Variants in EPHB2 observed in about 807,000 individuals in gnomAD.
EPHB2 encodes the protein ephrin type-B receptor 2.
A neutral mutation model predicts 96.4 loss-of-function variants in EPHB2; 18 were observed. That is an observed-to-expected ratio of 0.19 (90% CI 0.13 to 0.28). EPHB2 has a LOEUF of 0.28. Ranked by LOEUF, EPHB2 falls within the 10% of genes least tolerant of loss-of-function variation. EPHB2 has a pLI of 1.00. For synonymous variants in EPHB2, 506 were observed against 534.1 expected (o/e 0.95, Z 0.72); for missense variants, 989 against 1,355.4 (o/e 0.73, Z 4.25).
At chr1:22,862,908 G>C in intron 3 of EPHB2, 129 bp from the exon 4 acceptor site, 2 of 1,252,110 alleles carry the variant, frequency 1.6e-6, no homozygotes, top group Non-Finnish European at 2.3e-6. Context: ...CAAGAGATGA[G>C]ATTTTCCAGC....
At chr1:22,888,839 T>A (rs1039390613) in intron 6 of EPHB2, among the ~76,000 whole-genome samples, 21 of 152,058 alleles carry the variant, frequency 1.4e-4, no homozygotes, top group Non-Finnish European at 1.5e-5. Flanking sequence ...CACAGTGCAA[T>A]CAAGTGAAAA....
At chr1:22,768,141 C>T (rs886273268) in intron 1 of EPHB2, among the ~76,000 whole-genome samples, 1 of 152,202 alleles carries the variant, frequency 6.6e-6, no homozygotes, top group Admixed American at 6.5e-5. Context: ...GAAACGTCTC[C>T]TCCGAGGCAG....
At position 22,854,644 on chromosome 1, in the gene EPHB2, C is replaced by CGAGG. The variant is rs1226215681; in HGVS notation, c.812-8393_812-8392insGAGG. ...CTCATCTCTAAAATGGGAATAACAC[C>CGAGG]TCCCATTGCACAGGGTGGTCCAAGG... On this transcript the variant is annotated intron_variant, in intron 3 of 15. Coordinates refer to ENST00000374630, the MANE Select transcript of EPHB2 (RefSeq NM_017449.5). Among the ~76,000 whole-genome samples, 229 of 152,332 alleles carry CGAGG rather than the reference C, an allele frequency of 1.5e-3. 1 individual carries two copies. The highest frequency in any genetic ancestry group is 5.2e-3 in the African/African-American group (215 of 41,578).
At chr1:22,878,184 C>T (rs1410149121) in intron 5 of EPHB2, among the ~76,000 whole-genome samples, 1 of 152,214 alleles carries the variant, frequency 6.6e-6, no homozygotes, top group Non-Finnish European at 1.5e-5. Context: ...GTGAACAGAG[C>T]AGCCCCTGCT....
intron 3 of EPHB2, among the ~76,000 whole-genome samples, chr1:22,856,861 C>T (rs890274090): frequency 1.3e-5 from 2 of 152,326 alleles, no homozygotes; most frequent in African/African-American, 2.4e-5. Flanking sequence ...ATTTACATGG[C>T]ACTTACCTTG....
At chr1:22,807,623 A>G (rs1274629720) in intron 3 of EPHB2, among the ~76,000 whole-genome samples, 1 of 152,126 alleles carries the variant, frequency 6.6e-6, no homozygotes, top group Non-Finnish European at 1.5e-5. Flanking sequence ...TGCCCTCCAG[A>G]TGCTCCCAGT....
intron 9 of EPHB2, among the ~76,000 whole-genome samples, chr1:22,899,111 T>C (rs762998048): frequency 5.5e-4 from 82 of 150,242 alleles, no homozygotes; most frequent in Admixed American, 1.1e-3. Flanking sequence ...GAGAATTGCT[T>C]GAACCCGGGA....
At chr1:22,836,260 C>T (rs1331885155) in intron 3 of EPHB2, among the ~76,000 whole-genome samples, 1 of 152,164 alleles carries the variant, frequency 6.6e-6, no homozygotes, top group African/African-American at 2.4e-5. Context: ...GGGGGAGAGC[C>T]GCTCATTCCT....
intron 3 of EPHB2, among the ~76,000 whole-genome samples, chr1:22,837,613 C>T (rs77140120): frequency 1.4e-3 from 207 of 152,268 alleles, no homozygotes; most frequent in African/African-American, 4.7e-3. Context: ...AGAAGGTGAA[C>T]GCCAAGTTTC....
At chr1:22,806,496 CGGACGGACGGATGGAT>C (rs754554840) in intron 3 of EPHB2, among the ~76,000 whole-genome samples, 8,499 of 118,116 alleles carry the variant, frequency 0.072, 698 homozygotes, top group African/African-American at 0.22. Context: ...GACGGACGGA[CGGACGGACGGATGGAT>C]GGATGGATGG....
Position 22,917,509 on chromosome 1 carries a change from G to A in EPHB2, c.*3939G>A, listed in dbSNP as rs1640298498. The A allele has an allele frequency of 6.6e-6, 1 of 152,264 alleles. No homozygotes were observed. The highest frequency in any genetic ancestry group is 6.5e-5 in the Admixed American group (1 of 15,286). 9.4% of individuals were successfully genotyped at this position (152,264 alleles called of 1,614,324 possible). A position where few individuals can be genotyped will look rare whatever the true frequency, so the allele number is the denominator to read the frequency against. On this transcript the variant is annotated 3_prime_UTR_variant, in exon 16 of 16. Coordinates refer to ENST00000374630, the MANE Select transcript of EPHB2 (RefSeq NM_017449.5). ...CGTCATGACCGCAGGGTAGCAGCCT[G>A]CTCCTGTCACTAGGGATGTGAATCT... is the stretch of plus-strand genomic sequence containing the variant.
At chr1:22,814,312 G>C (rs527408865) in intron 3 of EPHB2, among the ~76,000 whole-genome samples, 1 of 152,314 alleles carries the variant, frequency 6.6e-6, no homozygotes, top group South Asian at 2.1e-4. Context: ...AGGTGCTCAA[G>C]CTTATCTGAG....
intron 3 of EPHB2, among the ~76,000 whole-genome samples, chr1:22,804,358 G>A (rs1570309250): frequency 6.6e-6 from 1 of 152,046 alleles, no homozygotes; most frequent in Admixed American, 6.5e-5. Flanking sequence ...GAAAAAATCT[G>A]CACCACCCCC....
At chr1:22,772,531 T>C (rs1332544309) in intron 1 of EPHB2, among the ~76,000 whole-genome samples, 1 of 152,258 alleles carries the variant, frequency 6.6e-6, no homozygotes, top group Non-Finnish European at 1.5e-5. Flanking sequence ...GATTTCACTT[T>C]AGAAAATCTG....
intron 5 of EPHB2, among the ~76,000 whole-genome samples, chr1:22,871,896 A>C (rs1013388179): frequency 7.9e-5 from 12 of 152,076 alleles, no homozygotes; most frequent in African/African-American, 2.4e-4. Flanking sequence ...CACACCTGTC[A>C]TCCCAGCTAC....
intron 3 of EPHB2, 59 bp downstream of exon 3, chr1:22,785,135 GA>G: frequency 6.3e-7 from 1 of 1,599,312 alleles, no homozygotes; most frequent in Non-Finnish European, 8.5e-7. Flanking sequence ...CTTGGCTGCA[GA>G]CTCGGGCTGC....
intron 1 of EPHB2, among the ~76,000 whole-genome samples, chr1:22,736,732 T>G (rs1167266402): frequency 6.6e-6 from 1 of 152,204 alleles, no homozygotes; most frequent in Non-Finnish European, 1.5e-5. Flanking sequence ...GGGCCCAGCC[T>G]GCAATGGGGC....
intron 7 of EPHB2, among the ~76,000 whole-genome samples, chr1:22,894,494 G>A (rs1254026678): frequency 6.6e-6 from 1 of 151,442 alleles, no homozygotes; most frequent in African/African-American, 2.4e-5. Flanking sequence ...CTGCTGGAGA[G>A]ACTGAGACAG....
intron 2 of EPHB2, among the ~76,000 whole-genome samples, chr1:22,782,963 A>G (rs1644556312): frequency 6.6e-6 from 1 of 152,248 alleles, no homozygotes; most frequent in Non-Finnish European, 1.5e-5. Context: ...GGCACAGGAT[A>G]AAGGACACCC....
Sources: gnomAD v4.1 joint callset for allele counts (sites outside exome capture counted in the v4.1 genomes callset) on GRCh38, gnomAD v4.1.1 for gene constraint, MANE v1.5 for transcripts, NCBI Gene and HGNC (gene_info 2026-07-23, HGNC 2026-07-21) for gene names.